The following NEK10 variants were observed in gnomAD, a reference collection of about 807,000 sequenced individuals.
The protein encoded by NEK10 is serine/threonine-protein kinase Nek10.
A neutral mutation model predicts 159.8 loss-of-function variants in NEK10; 122 were observed. The observed-to-expected ratio is 0.76, with a 90% confidence interval of 0.66 to 0.89. The LOEUF is 0.89. Among genes scored for constraint, NEK10 ranks in the 40% least tolerant of loss-of-function variants. The pLI is 0.00. For synonymous variants in NEK10, 466 were observed against 457.1 expected (o/e 1.02, Z -0.25); for missense variants, 1,342 against 1,323.1 (o/e 1.01, Z -0.22).
intron 10 of NEK10, 41 bp downstream of exon 10, chr3:27,308,885 T>C (rs1339211467): frequency 5.3e-6 from 5 of 941,532 alleles, no homozygotes; most frequent in Middle Eastern, 2.1e-4. Context: ...TAAATTGCTA[T>C]AGTAGCAGAA....
chr3:27,198,963 C>T (rs1160183389), intron 25 of NEK10, among the ~76,000 whole-genome samples: 2 of 151,444 alleles, frequency 1.3e-5, no homozygotes, highest in Non-Finnish European at 2.9e-5. Flanking sequence ...GTCCCAGCTA[C>T]TCAGGAGGCT....
At chr3:27,178,808 G>T (rs1011725674) in intron 26 of NEK10, among the ~76,000 whole-genome samples, 8 of 152,178 alleles carry the variant, frequency 5.3e-5, no homozygotes, top group African/African-American at 1.4e-4. Context: ...CTTTTCTCCA[G>T]GCCTCCCTAT....
intron 23 of NEK10, among the ~76,000 whole-genome samples, chr3:27,238,746 CGT>C (rs59740177): frequency 0.15 from 21,014 of 137,822 alleles, 1,460 homozygotes; most frequent in Middle Eastern, 0.2. Flanking sequence ...CCTCCCCTTT[CGT>C]GTGTGTGTGT....
chr3:27,322,198 T>C lies in NEK10; in HGVS notation c.426A>G (p.Leu142=). ...CAACCTGATAACATGGATCCCTCAT[T>C]AGTAGCCTCAGACAGATTAACACTC... ...FLRVLICLRL[L]MRDPCYQEIL... The change falls in exon 6 of 36, where the codon CTA becomes CTG. Residue 142 remains leucine, a synonymous_variant. Transcript: ENST00000691995. The C allele has an allele frequency of 6.4e-7, 1 of 1,559,650 alleles. No individual in the cohort carries two copies. Among genetic ancestry groups the C allele is most frequent in the South Asian group, 1.2e-5 (1 of 84,878 alleles).
chr3:27,313,007 G>A (rs1318694783), intron 7 of NEK10, among the ~76,000 whole-genome samples: 3 of 151,774 alleles, frequency 2.0e-5, no homozygotes, highest in African/African-American at 7.3e-5. Context: ...CAGGTTTTAG[G>A]AGACTAGCCT....
At chr3:27,128,034 T>G (rs1031930447) in intron 32 of NEK10, among the ~76,000 whole-genome samples, 2 of 152,148 alleles carry the variant, frequency 1.3e-5, no homozygotes, top group Non-Finnish European at 2.9e-5. Flanking sequence ...TGCAAGTAGA[T>G]AGCTAGATCC....
intron 5 of NEK10, among the ~76,000 whole-genome samples, chr3:27,336,010 C>G (rs2046778190): frequency 6.6e-6 from 1 of 151,924 alleles, no homozygotes; most frequent in African/African-American, 2.4e-5. Flanking sequence ...CAAAAAAGAT[C>G]AGAGCAGAAT....
intron 26 of NEK10, among the ~76,000 whole-genome samples, 197 bp from the exon 27 acceptor site, chr3:27,175,030 A>C (rs1947369838): frequency 6.6e-6 from 1 of 152,248 alleles, no homozygotes; most frequent in Non-Finnish European, 1.5e-5. Flanking sequence ...GCAGGTCTAT[A>C]AGCTACATTG....
intron 22 of NEK10, among the ~76,000 whole-genome samples, chr3:27,261,150 T>C (rs188202478): frequency 1.7e-3 from 253 of 152,352 alleles, no homozygotes; most frequent in African/African-American, 5.9e-3. Flanking sequence ...CCATCAATTT[T>C]GTTGATGTTT....
intron 23 of NEK10, among the ~76,000 whole-genome samples, chr3:27,235,928 A>G (rs903060555): frequency 6.6e-6 from 1 of 152,234 alleles, no homozygotes; most frequent in Non-Finnish European, 1.5e-5. Context: ...ATACATATAA[A>G]GAAAATGTGA....
At chr3:27,232,499 T>C (rs1338359253) in intron 23 of NEK10, among the ~76,000 whole-genome samples, 3 of 151,884 alleles carry the variant, frequency 2.0e-5, no homozygotes, top group Admixed American at 6.6e-5. Context: ...CAAAGCAATA[T>C]ACAGATTCAA....
intron 22 of NEK10, among the ~76,000 whole-genome samples, chr3:27,279,692 C>T (rs916303723): frequency 2.6e-5 from 4 of 152,082 alleles, no homozygotes; most frequent in Admixed American, 2.6e-4. Flanking sequence ...AATGGGAGTA[C>T]ATGAATGCCC....
chr3:27,302,339 T>C (rs1368109138), intron 12 of NEK10, among the ~76,000 whole-genome samples: 2 of 152,164 alleles, frequency 1.3e-5, no homozygotes, highest in Non-Finnish European at 2.9e-5. Flanking sequence ...CATTGGTCTT[T>C]TTCTTCTGCA....
chr3:27,284,581 T>C (rs568097244), intron 22 of NEK10, 21 bp downstream of exon 22: 3 of 1,374,500 alleles, frequency 2.2e-6, no homozygotes, highest in South Asian at 2.3e-5. Flanking sequence ...CAGTTAAAAG[T>C]TTAAAAATCT....
At chr3:27,186,040 C>T (rs1215074519) in intron 26 of NEK10, among the ~76,000 whole-genome samples, 1 of 152,148 alleles carries the variant, frequency 6.6e-6, no homozygotes, top group Non-Finnish European at 1.5e-5. Flanking sequence ...TATGAGGAGA[C>T]AGAACATGGC....
Position 27,134,110 on chromosome 3 carries a change from C to A in NEK10, c.2971-2120G>T, listed in dbSNP as rs147042923. 1.3e-3 allele frequency among the ~76,000 whole-genome samples: 193 copies of A among 151,732 alleles called. 1 individual carries two copies. The highest frequency in any genetic ancestry group is 4.3e-3 in the African/African-American group (179 of 41,358). The stretch of plus-strand genomic sequence containing the variant: ...AGGGAGAGAGAGAGAGATTTCTCAG[C>A]ATTAAGGAGCAAATCAAAGACAGAT... On this transcript the variant is annotated intron_variant, in intron 31 of 35. Coordinates refer to ENST00000691995, the MANE Select transcript of NEK10 (RefSeq NM_001394966.1).
At chr3:27,190,645 T>C (rs758920742) in intron 26 of NEK10, among the ~76,000 whole-genome samples, 13 of 152,198 alleles carry the variant, frequency 8.5e-5, no homozygotes, top group Middle Eastern at 3.2e-3. Flanking sequence ...GAAATGACTC[T>C]TTCACATACA....
chr3:27,175,745 A>G (rs1221334763), intron 26 of NEK10, among the ~76,000 whole-genome samples: 1 of 152,200 alleles, frequency 6.6e-6, no homozygotes, highest in Non-Finnish European at 1.5e-5. Flanking sequence ...AAAGCTACAG[A>G]TCAGGTAGAC....
chr3:27,163,234 T>C (rs1559536465), intron 29 of NEK10, among the ~76,000 whole-genome samples: 2 of 152,210 alleles, frequency 1.3e-5, no homozygotes, highest in African/African-American at 2.4e-5. Flanking sequence ...TTCTAGGTTA[T>C]TTGATCATTT....
Sources: allele counts gnomAD v4.1 joint callset (sites outside exome capture counted in the v4.1 genomes callset), GRCh38; gene constraint gnomAD v4.1.1; transcripts MANE v1.5; gene names NCBI Gene and HGNC (gene_info 2026-07-23, HGNC 2026-07-21).